Variants in RELN observed in about 807,000 individuals in gnomAD.
RELN encodes the protein reelin.
RELN carries 108 observed loss-of-function variants against 427.6 expected under a neutral mutation model. That is an observed-to-expected ratio of 0.25 (90% confidence interval 0.22 to 0.30). RELN has a LOEUF of 0.30. Ranked by LOEUF, RELN falls within the 10% of genes least tolerant of loss-of-function variation. RELN has a pLI of 1.00. For missense variants in RELN, 3,715 were observed against 4,302.8 expected (o/e 0.86, Z 3.82); for synonymous variants, 1,524 against 1,513.4 (o/e 1.01, Z -0.16).
intron 60 of RELN, among the ~76,000 whole-genome samples, chr7:103,487,940 TC>T (rs144711495): frequency 0.015 from 2,292 of 152,160 alleles, 68 homozygotes; most frequent in African/African-American, 0.053. Context: ...GGTCAGGAGT[TC>T]GAGTCCAGCC....
intron 3 of RELN, among the ~76,000 whole-genome samples, chr7:103,802,997 A>G (rs1050420755): frequency 4.6e-5 from 7 of 152,162 alleles, no homozygotes; most frequent in African/African-American, 1.7e-4. Flanking sequence ...TTCTCCAATC[A>G]ATATGTAGGA....
At chr7:103,785,992 T>C (rs1275417505) in intron 3 of RELN, among the ~76,000 whole-genome samples, 1 of 151,988 alleles carries the variant, frequency 6.6e-6, no homozygotes, top group Non-Finnish European at 1.5e-5. Flanking sequence ...ATAAGGGATA[T>C]GATTTCTAAC....
chr7:103,798,120 A>G (rs964520892), intron 3 of RELN, among the ~76,000 whole-genome samples: 4 of 152,230 alleles, frequency 2.6e-5, no homozygotes, highest in African/African-American at 9.6e-5. Context: ...AGCCCTGGAC[A>G]GTACTACTCA....
At chr7:103,908,213 G>A (rs996633997) in intron 2 of RELN, among the ~76,000 whole-genome samples, 7 of 152,098 alleles carry the variant, frequency 4.6e-5, no homozygotes, top group South Asian at 2.1e-4. Flanking sequence ...AGAAACTTGA[G>A]TGCAGCTCCC....
At chr7:103,610,454 G>A (rs1831924370) in intron 22 of RELN, among the ~76,000 whole-genome samples, 1 of 152,172 alleles carries the variant, frequency 6.6e-6, no homozygotes, top group Admixed American at 6.5e-5. Context: ...GAAAGTCAGA[G>A]AAGGCTAGGA....
At chr7:103,646,946 G>A (rs1336483850) in intron 16 of RELN, among the ~76,000 whole-genome samples, 13 of 151,552 alleles carry the variant, frequency 8.6e-5, no homozygotes, top group Admixed American at 8.6e-4. Flanking sequence ...GGGATGCAAG[G>A]ATGGCTCAAC....
intron 2 of RELN, among the ~76,000 whole-genome samples, chr7:103,841,379 T>G (rs942124226): frequency 1.3e-5 from 2 of 152,184 alleles, no homozygotes; most frequent in Middle Eastern, 3.2e-3. Flanking sequence ...ACAACAAATA[T>G]CAAATATTTG....
At chr7:103,519,854 C>T (rs1024459032) in intron 48 of RELN, among the ~76,000 whole-genome samples, 16 of 151,920 alleles carry the variant, frequency 1.1e-4, no homozygotes, top group Non-Finnish European at 2.4e-4. Context: ...TATTTCCATT[C>T]TTTTAATATT....
At chr7:103,660,801 A>G (rs186674764) in intron 12 of RELN, among the ~76,000 whole-genome samples, 1 of 152,342 alleles carries the variant, frequency 6.6e-6, no homozygotes, top group Admixed American at 6.5e-5. Context: ...TGGAGGTCAC[A>G]AAGTTCAACC....
Position 103,603,048 on chromosome 7 carries a change from T to C in RELN, c.3333+256A>G, listed in dbSNP as rs893329732. Among the ~76,000 whole-genome samples, 8 of 152,106 alleles carry C rather than the reference T, an allele frequency of 5.3e-5. No individual in the cohort carries two copies. The highest frequency in any genetic ancestry group is 2.1e-4 in the South Asian group (1 of 4,828). On this transcript the variant is annotated intron_variant, in intron 24 of 64. Coordinates refer to ENST00000428762, the MANE Select transcript of RELN (RefSeq NM_005045.4). The surrounding 1 kb of genome is among the most constrained non-coding windows in gnomAD (Gnocchi z 4.3). ...CTGGAAATGAAGGAAAGGAAAGTAATGGTATTTAAATCAGGTACAGGAGGG... is the reference window on the plus strand; with the variant it reads ...CTGGAAATGAAGGAAAGGAAAGTAACGGTATTTAAATCAGGTACAGGAGGG...
At chr7:103,673,499 C>T (rs544057521) in intron 11 of RELN, among the ~76,000 whole-genome samples, 8 of 152,066 alleles carry the variant, frequency 5.3e-5, no homozygotes, top group Non-Finnish European at 1.0e-4. Context: ...TTCAAATAAT[C>T]CATACTTATT....
At chr7:103,726,520 T>C (rs1584439155) in intron 7 of RELN, among the ~76,000 whole-genome samples, 2 of 152,290 alleles carry the variant, frequency 1.3e-5, no homozygotes, top group East Asian at 3.9e-4. Context: ...ATATCAACTC[T>C]AATGCTAAAT....
rs184135436 is a variant in RELN at position 103,961,680 on chromosome 7, A to G, written c.226+27451T>C. On this transcript the variant is annotated intron_variant, in intron 1 of 64. Transcript: ENST00000428762. ...TTTAGAAACCATCCTCGTGGGTCTG[A>G]ATTCTGCTCTGCCTCTTATTACCTC... is the stretch of plus-strand genomic sequence containing the variant. Among the ~76,000 whole-genome samples, 524 of 152,268 alleles carry G rather than the reference A, an allele frequency of 3.4e-3. 1 individual carries two copies. Among genetic ancestry groups the G allele is most frequent in the African/African-American group, 0.012 (509 of 41,568 alleles).
intron 1 of RELN, among the ~76,000 whole-genome samples, chr7:103,920,145 GA>G (rs1047006752): frequency 6.6e-6 from 1 of 152,120 alleles, no homozygotes; most frequent in Non-Finnish European, 1.5e-5. Context: ...CTCTGATTCA[GA>G]ATGTTATGGT....
At chr7:103,893,818 C>T (rs558805199) in intron 2 of RELN, among the ~76,000 whole-genome samples, 1 of 152,146 alleles carries the variant, frequency 6.6e-6, no homozygotes, top group South Asian at 2.1e-4. Flanking sequence ...CACATAGCCC[C>T]CAAAGGTTGA....
chr7:103,970,972 G>A (rs944445998), intron 1 of RELN, among the ~76,000 whole-genome samples: 1 of 151,998 alleles, frequency 6.6e-6, no homozygotes, highest in Non-Finnish European at 1.5e-5. Context: ...CCTGGCCAGC[G>A]TGGCAAAACC....
At chr7:103,904,975 C>CTTT (rs67024941) in intron 2 of RELN, among the ~76,000 whole-genome samples, 28 of 77,354 alleles carry the variant, frequency 3.6e-4, no homozygotes, top group South Asian at 6.0e-4. Context: ...AAGTTCTTTC[C>CTTT]TTTTTTTTTT....
At position 103,515,372 on chromosome 7, in the gene RELN, T is replaced by C; in HGVS notation, c.7932A>G (p.Arg2644=). 6.2e-7 allele frequency: 1 copy of C among 1,614,148 alleles called. No individual in the cohort carries two copies. Among genetic ancestry groups the C allele is most frequent in the South Asian group, 1.1e-5 (1 of 91,074 alleles). ...AGTCGTTCTGATCCAGGCCGTCATG[T>C]CTTGGCTGCCACCAGCGGAAGCGAG... ...IATRFRWWQP[R]HDGLDQNDWA... is the part of the protein sequence containing the mutation. The change falls in exon 50 of 65, where the codon AGA becomes AGG. Residue 2644 remains arginine, a synonymous_variant. Transcript: ENST00000428762.
At chr7:103,758,195 A>G (rs1283517632) in intron 4 of RELN, among the ~76,000 whole-genome samples, 2 of 152,212 alleles carry the variant, frequency 1.3e-5, no homozygotes, top group Non-Finnish European at 2.9e-5. Context: ...ATTCACAAAC[A>G]TTACAGAAAC....
Sources: allele counts gnomAD v4.1 joint callset (sites outside exome capture counted in the v4.1 genomes callset), GRCh38; gene constraint gnomAD v4.1.1; non-coding constraint Gnocchi (gnomAD v3.1); transcripts MANE v1.5; gene names NCBI Gene and HGNC (gene_info 2026-07-23, HGNC 2026-07-21).